The following MYO16 variants were observed in gnomAD, a reference collection of about 807,000 sequenced individuals.
MYO16 encodes the protein myosin XVI.
MYO16 carries 94 observed loss-of-function variants against 205.3 expected under a neutral mutation model. The ratio of observed to expected loss-of-function variants is 0.46; its 90% confidence interval spans 0.39 to 0.54. The LOEUF (loss-of-function observed/expected upper bound fraction) is 0.54, where lower values mean the gene tolerates loss of function less well. MYO16 is among the 20% of genes least tolerant of loss of function. The probability of loss-of-function intolerance (pLI) is 0.00; values close to 1 mark genes in which losing one functional copy is unlikely to be tolerated. For missense variants in MYO16, 2,315 were observed against 2,387.5 expected (o/e 0.97, Z 0.63); for synonymous variants, 988 against 954.0 (o/e 1.04, Z -0.66).
intron 7 of MYO16, among the ~76,000 whole-genome samples, chr13:108,808,170 C>T (rs1429008589): frequency 6.6e-6 from 1 of 152,028 alleles, no homozygotes; most frequent in Non-Finnish European, 1.5e-5. Context: ...AAGCTACTGA[C>T]CTTTTTCTCA....
chr13:108,550,537 T>A, the MYO16 span, among the ~76,000 whole-genome samples: 1 of 152,158 alleles, frequency 6.6e-6, no homozygotes, highest in Non-Finnish European at 1.5e-5. Flanking sequence ...GCTGGTGATG[T>A]TTGTATTCTG....
At chr13:108,674,002 CTGTCTGCG>C (rs1177056629) in intron 2 of MYO16, among the ~76,000 whole-genome samples, 1 of 152,146 alleles carries the variant, frequency 6.6e-6, no homozygotes, top group East Asian at 1.9e-4. Flanking sequence ...GACATATCAA[CTGTCTGCG>C]TGTCATTCAG....
chr13:108,969,434 C>T (rs1883922189), intron 20 of MYO16, among the ~76,000 whole-genome samples: 1 of 152,196 alleles, frequency 6.6e-6, no homozygotes, highest in African/African-American at 2.4e-5. Context: ...CATAATTTCA[C>T]ATATAGAAAA....
At chr13:108,601,879 A>G (rs1441468204) in intron 1 of MYO16, among the ~76,000 whole-genome samples, 1 of 152,002 alleles carries the variant, frequency 6.6e-6, no homozygotes, top group East Asian at 1.9e-4. Context: ...TGTGACTTTG[A>G]AATTGGTGCT....
intron 2 of MYO16, among the ~76,000 whole-genome samples, chr13:108,672,302 C>G (rs997941816): frequency 3.3e-5 from 5 of 151,802 alleles, no homozygotes; most frequent in African/African-American, 1.2e-4. Flanking sequence ...CTTGTTTATG[C>G]AATTGAGAAA....
At chr13:108,601,536 A>T (rs1878763376) in intron 1 of MYO16, among the ~76,000 whole-genome samples, 1 of 141,836 alleles carries the variant, frequency 7.1e-6, no homozygotes, top group African/African-American at 2.5e-5. Context: ...CTTTTTAAAT[A>T]TGACAATATA....
At chr13:108,852,988 G>A (rs79002658) in intron 10 of MYO16, among the ~76,000 whole-genome samples, 11 of 152,166 alleles carry the variant, frequency 7.2e-5, no homozygotes, top group Non-Finnish European at 1.2e-4. Flanking sequence ...AGATGAGCTC[G>A]CATTTTCTAA....
the MYO16 span, among the ~76,000 whole-genome samples, chr13:108,572,543 A>G: frequency 6.6e-6 from 1 of 152,202 alleles, no homozygotes; most frequent in Non-Finnish European, 1.5e-5. Flanking sequence ...AGGTGAATGC[A>G]TCTTATTTCG....
intron 10 of MYO16, 153 bp from the exon 11 acceptor site, chr13:108,855,290 T>TTTTC: frequency 5.1e-6 from 2 of 393,834 alleles, no homozygotes; most frequent in Non-Finnish European, 9.0e-6. Flanking sequence ...TTTTTTTTTT[T>TTTTC]CTTTTTCATT....
intron 32 of MYO16, among the ~76,000 whole-genome samples, chr13:109,156,066 C>G (rs7139773): frequency 6.6e-6 from 1 of 152,146 alleles, no homozygotes; most frequent in African/African-American, 2.4e-5. Context: ...GCCCTGTTTG[C>G]ATTTCTTCCT....
chr13:108,748,365 G>A (rs868751495), intron 4 of MYO16, among the ~76,000 whole-genome samples: 2 of 151,998 alleles, frequency 1.3e-5, no homozygotes, highest in Non-Finnish European at 2.9e-5. Flanking sequence ...AAAGCTTAGA[G>A]AGAAATTTAT....
chr13:108,854,168 T>G (rs560319371), intron 10 of MYO16, among the ~76,000 whole-genome samples: 29 of 152,188 alleles, frequency 1.9e-4, no homozygotes, highest in African/African-American at 7.0e-4. Context: ...TAATTTTTTT[T>G]GTATTTTTAG....
chr13:108,508,740 A>G, the MYO16 span, among the ~76,000 whole-genome samples: 1 of 152,030 alleles, frequency 6.6e-6, no homozygotes, highest in Non-Finnish European at 1.5e-5. Context: ...TTTCTTATCC[A>G]TTTCAGTGCA....
chr13:109,163,033 A>G (rs891261526), intron 32 of MYO16, among the ~76,000 whole-genome samples: 6 of 152,214 alleles, frequency 3.9e-5, no homozygotes, highest in Non-Finnish European at 7.3e-5. Context: ...TAATGGAGTC[A>G]GGAGCCACAG....
At chr13:109,198,621 G>A (rs1455489848) in intron 34 of MYO16, among the ~76,000 whole-genome samples, 1 of 152,150 alleles carries the variant, frequency 6.6e-6, no homozygotes, top group Non-Finnish European at 1.5e-5. Context: ...ACTTAACTGA[G>A]TCATCAGGAT....
In MYO16 at chr13:108,998,273, A is replaced by G. The variant is rs186888727; in HGVS notation, c.2442+5825A>G. On this transcript the variant is annotated intron_variant, in intron 21 of 34. Transcript: ENST00000457511. ...CTGTGCTTTGTAAGTGCATGGTAGC[A>G]GTACCTAGTAGGATTCATTTTTCTG... 3.2e-3 allele frequency among the ~76,000 whole-genome samples: 483 copies of G among 152,256 alleles called. 4 individuals carry two copies. The highest frequency in any genetic ancestry group is 2.6e-3 in the Non-Finnish European group (177 of 68,030).
chr13:108,534,647 A>G, the MYO16 span, among the ~76,000 whole-genome samples: 3 of 152,114 alleles, frequency 2.0e-5, no homozygotes, highest in African/African-American at 7.2e-5. Context: ...TCAAAGAGGA[A>G]TCTCTGCTCT....
intron 14 of MYO16, among the ~76,000 whole-genome samples, chr13:108,889,869 G>A (rs953245622): frequency 3.3e-5 from 5 of 152,186 alleles, no homozygotes; most frequent in Admixed American, 6.5e-5. Flanking sequence ...ATGCCACAGT[G>A]TACTGCAAAC....
intron 1 of MYO16, among the ~76,000 whole-genome samples, chr13:108,601,561 G>T (rs1878764506): frequency 6.6e-6 from 1 of 151,644 alleles, no homozygotes. Context: ...TTTTTTTCAA[G>T]TGTCAAGATG....
Sources: allele counts gnomAD v4.1 joint callset (sites outside exome capture counted in the v4.1 genomes callset), GRCh38; gene constraint gnomAD v4.1.1; transcripts MANE v1.5; gene names NCBI Gene and HGNC (gene_info 2026-07-23, HGNC 2026-07-21).